The following PRELID3A variants were observed in gnomAD, a reference collection of about 807,000 sequenced individuals.
The protein encoded by PRELID3A is PRELI domain containing protein 3A.
PRELID3A carries 27 observed loss-of-function variants against 23.0 expected under a neutral mutation model. That is an observed-to-expected ratio of 1.17 (90% CI 0.87 to 1.62). The LOEUF (loss-of-function observed/expected upper bound fraction) is 1.62. Ranked by LOEUF, PRELID3A falls within the 40% of genes most tolerant of loss-of-function variation. PRELID3A has a pLI of 0.00. For missense variants in PRELID3A, 231 were observed against 231.4 expected, an observed-to-expected ratio of 1.00 and a Z score of 0.01; for synonymous variants, 87 against 86.4, an observed-to-expected ratio of 1.01 and a Z score of -0.04.
chr18:12,418,006 C>T (rs2030019063), intron 1 of PRELID3A, among the ~76,000 whole-genome samples: 2 of 152,182 alleles, frequency 1.3e-5, no homozygotes, highest in South Asian at 2.1e-4. Flanking sequence ...TAGGGAGCTG[C>T]GAGACCTGGT....
intron 1 of PRELID3A, among the ~76,000 whole-genome samples, chr18:12,416,866 C>A (rs1213728172): frequency 6.6e-6 from 1 of 151,924 alleles, no homozygotes; most frequent in Non-Finnish European, 1.5e-5. Context: ...AGGATGGTCT[C>A]GATCTCCTGA....
intron 1 of PRELID3A, among the ~76,000 whole-genome samples, chr18:12,413,618 C>G (rs1216216492): frequency 6.6e-6 from 1 of 152,166 alleles, no homozygotes; most frequent in Non-Finnish European, 1.5e-5. Flanking sequence ...GAGTCTCACT[C>G]TGTCGCCCAG....
intron 3 of PRELID3A, among the ~76,000 whole-genome samples, chr18:12,422,826 T>G (rs371636585): frequency 3.3e-5 from 5 of 152,296 alleles, no homozygotes; most frequent in Admixed American, 6.5e-5. Context: ...AATATAGAAA[T>G]GGGCTATGGT....
chr18:12,412,384 C>T (rs192771714), intron 1 of PRELID3A, among the ~76,000 whole-genome samples: 139 of 151,524 alleles, frequency 9.2e-4, no homozygotes, highest in African/African-American at 3.2e-3. Context: ...GACGGGGTTT[C>T]GCCATGTTGG....
intron 5 of PRELID3A, among the ~76,000 whole-genome samples, chr18:12,428,224 A>G (rs1399795631): frequency 6.6e-6 from 1 of 152,182 alleles, no homozygotes; most frequent in African/African-American, 2.4e-5. Flanking sequence ...GGGCACTGGA[A>G]CAGAGGAAGA....
intron 2 of PRELID3A, 28 bp from the exon 3 acceptor site, chr18:12,421,512 A>G (rs370464293): frequency 1.4e-6 from 2 of 1,399,936 alleles, no homozygotes; most frequent in South Asian, 1.2e-5. Flanking sequence ...TTAACGTTCC[A>G]CTATGCTAGT....
At chr18:12,408,338 A>AGCCGGGGGGGCG (rs1443987141) in intron 1 of PRELID3A, among the ~76,000 whole-genome samples, 1 of 150,720 alleles carries the variant, frequency 6.6e-6, no homozygotes, top group Non-Finnish European at 1.5e-5. Flanking sequence ...GGGCGGCCGG[A>AGCCGGGGGGGCG]GCCGGGGGGG....
chr18:12,423,850 C>T (rs754243769), intron 3 of PRELID3A, among the ~76,000 whole-genome samples: 15 of 152,214 alleles, frequency 9.9e-5, no homozygotes, highest in Non-Finnish European at 1.3e-4. Flanking sequence ...CTGGGTCCTG[C>T]GGCTCCCCTG....
chr18:12,425,577 A>C (rs1465853263), intron 3 of PRELID3A, among the ~76,000 whole-genome samples: 3 of 150,886 alleles, frequency 2.0e-5, no homozygotes, highest in African/African-American at 7.3e-5. Context: ...GCTTGCAGTG[A>C]GCCGAGATCA....
Position 12,427,228 on chromosome 18 carries a change from C to T in PRELID3A, c.370C>T (p.Leu124Phe), listed in dbSNP as rs566083923. Residue 124 changes from leucine to phenylalanine, a missense_variant, in exon 5 of 7, where the codon CTC (leucine) becomes TTC (phenylalanine). Leu to Phe is a conservative substitution (Grantham distance 22). Coordinates refer to ENST00000440960, the MANE Select transcript of PRELID3A (RefSeq NM_001142405.2). The stretch of plus-strand genomic sequence containing the variant: ...CTTCTTGCTCTTTTGCAGGACCGTG[C>T]TCACACAAGAAGCCATCATCACTGT... ...PHPENPEMTV[L>F]TQEAIITVKG... 4 of 1,613,990 alleles carry T rather than the reference C, an allele frequency of 2.5e-6. No individual in the cohort carries two copies. The East Asian group carries it at 8.9e-5, about 36-fold the overall frequency.
rs562964007 is a variant in PRELID3A at position 12,422,197 on chromosome 18, CTTT to C, written c.291+584_291+586del. 932 of 131,116 alleles carry C rather than the reference CTTT, an allele frequency of 7.1e-3. 9 individuals carry two copies. Among genetic ancestry groups the C allele is most frequent in the African/African-American group, 0.024 (822 of 34,844 alleles). 8.1% of individuals were successfully genotyped at this position (131,116 alleles called of 1,614,324 possible). A position where few individuals can be genotyped will look rare whatever the true frequency, so the allele number is the denominator to read the frequency against. On this transcript the variant is annotated intron_variant, in intron 3 of 6. Coordinates refer to ENST00000440960, the MANE Select transcript of PRELID3A (RefSeq NM_001142405.2). ...GTCTCAAGTGATGCCTTTCAACGTG[CTTT>C]TTTTTTTTTTTTTTTAATTTTTGAG...
At chr18:12,418,703 A>G (rs1022725802) in intron 1 of PRELID3A, among the ~76,000 whole-genome samples, 5 of 152,206 alleles carry the variant, frequency 3.3e-5, no homozygotes, top group African/African-American at 1.2e-4. Context: ...GTGGATTAGG[A>G]CAATTAGGGC....
At position 12,429,259 on chromosome 18, in the gene PRELID3A, C is replaced by T. The variant is rs1015078303; in HGVS notation, c.466-91C>T. ...GTCTCCTTGTAACTGCAGCGCTTGC[C>T]TTCTGCAGTTTAGCCTGTGGACTTG... On this transcript the variant is annotated intron_variant, in intron 5 of 6. Transcript: ENST00000440960. The T allele has an allele frequency of 2.8e-6, 3 of 1,079,176 alleles. No individual in the cohort carries two copies. The African/African-American group carries it at 4.6e-5, about 17-fold the overall frequency. 66.9% of individuals were successfully genotyped at this position (1,079,176 alleles called of 1,614,324 possible). A position where few individuals can be genotyped will look rare whatever the true frequency, so the allele number is the denominator to read the frequency against.
chr18:12,408,044 G>A (rs1450198142), intron 1 of PRELID3A, 37 bp downstream of exon 1: 8 of 1,246,848 alleles, frequency 6.4e-6, no homozygotes, highest in Non-Finnish European at 7.0e-6. Context: ...GGGCCGTCCA[G>A]ACGCCGGCTC....
rs1242080634 is a variant in PRELID3A, at chr18:12,429,444, C to T, written c.*33+8C>T. 2 of 1,554,334 alleles carry T rather than the reference C, an allele frequency of 1.3e-6. No homozygotes were observed. Among genetic ancestry groups the T allele is most frequent in the Non-Finnish European group, 1.8e-6 (2 of 1,126,326 alleles). ...TGCTTGTCATAAATGGTGGTGAGTA[C>T]AGTATTCACTCACCTGGGGGGGTAC... On this transcript the variant is annotated splice_region_variant and intron_variant, in intron 6 of 6. Coordinates refer to ENST00000440960, the MANE Select transcript of PRELID3A (RefSeq NM_001142405.2).
chr18:12,417,488 T>C (rs904543438), intron 1 of PRELID3A, among the ~76,000 whole-genome samples: 11 of 152,002 alleles, frequency 7.2e-5, no homozygotes, highest in Non-Finnish European at 2.9e-5. Flanking sequence ...GATGCAAGAA[T>C]TTTATATGAA....
chr18:12,430,304 T>C (rs1429571663), intron 6 of PRELID3A, among the ~76,000 whole-genome samples: 1 of 151,434 alleles, frequency 6.6e-6, no homozygotes, highest in African/African-American at 2.4e-5. Context: ...TGAGTATCTA[T>C]GTGTGTGTGG....
chr18:12,429,415 C>T lies in PRELID3A; in HGVS notation c.*12C>T. 1 of 1,612,448 alleles carries T rather than the reference C, an allele frequency of 6.2e-7. No homozygotes were observed. Among genetic ancestry groups the T allele is most frequent in the African/African-American group, 1.3e-5 (1 of 74,986 alleles). ...GCGCTGTGAGCTAAGGAGGCCTGTG[C>T]CTGTGCTTGTCATAAATGGTGGTGA... is the stretch of plus-strand genomic sequence containing the variant. On this transcript the variant is annotated 3_prime_UTR_variant, in exon 6 of 7. Transcript: ENST00000440960.
intron 3 of PRELID3A, among the ~76,000 whole-genome samples, chr18:12,424,961 G>A (rs2030307000): frequency 6.6e-6 from 1 of 152,068 alleles, no homozygotes; most frequent in Non-Finnish European, 1.5e-5. Flanking sequence ...TGGCCAACAT[G>A]GCAAAACCCC....
Sources: gnomAD v4.1 joint callset for allele counts (sites outside exome capture counted in the v4.1 genomes callset) on GRCh38, gnomAD v4.1.1 for gene constraint, MANE v1.5 for transcripts, NCBI Gene and HGNC (gene_info 2026-07-23, HGNC 2026-07-21) for gene names.